Variants in FRMPD4 observed in about 807,000 individuals in gnomAD.
FRMPD4 encodes FERM and PDZ domain-containing protein 4.
Under a neutral mutation model 94.1 loss-of-function variants are expected in FRMPD4, and 22 were observed. The observed-to-expected ratio is 0.23, with a 90% CI of 0.17 to 0.33. The LOEUF (loss-of-function observed/expected upper bound fraction) is 0.33, where lower values mean the gene tolerates loss of function less well. Among genes scored for constraint, FRMPD4 ranks in the 10% least tolerant of loss-of-function variants. The pLI is 1.00. For missense variants in FRMPD4, 1,111 were observed against 1,339.9 expected (o/e 0.83, Z 2.67); for synonymous variants, 631 against 548.6 (o/e 1.15, Z -2.10).
In FRMPD4 at chrX:12,674,891, G is replaced by A. The variant is rs1038905034; in HGVS notation, c.451G>A (p.Val151Ile). Reference protein sequence around the residue: ...RSCKESILLTVIQPYPSPKSA... With the variant: ...RSCKESILLTIIQPYPSPKSA... ...CTGCAAAGAATCGATACTCCTCACTGTCATTCAGCCTTACCCTGTAAGTGT... is the reference window on the plus strand; with the variant it reads ...CTGCAAAGAATCGATACTCCTCACTATCATTCAGCCTTACCCTGTAAGTGT... Residue 151 changes from valine to isoleucine, a missense_variant, in exon 5 of 17, where the codon GTC becomes ATC. Physicochemically the swap from Val to Ile is conservative, Grantham distance 29 (BLOSUM62 3). This residue lies in a region of FRMPD4 where 140 missense variants were observed against 165.9 expected (regional missense o/e 0.84). Transcript: ENST00000675598. 25 of 1,167,918 alleles carry A rather than the reference G, an allele frequency of 2.1e-5. No individual in the cohort carries two copies. Among genetic ancestry groups the A allele is most frequent in the Non-Finnish European group, 2.8e-5 (24 of 855,565 alleles).
chrX:12,004,248 C>T (rs2054539060), intron 3 of FRMPD4, among the ~76,000 whole-genome samples: 2 of 112,095 alleles, frequency 1.8e-5, no homozygotes, highest in Non-Finnish European at 3.8e-5. Flanking sequence ...CATTCTGATT[C>T]GGGTAAATAC....
intron 9 of FRMPD4, among the ~76,000 whole-genome samples, chrX:12,696,786 T>C (rs951543498): frequency 3.6e-5 from 4 of 111,829 alleles, no homozygotes; most frequent in Non-Finnish European, 7.5e-5. Flanking sequence ...TTCAAAACAT[T>C]TGTAATCTTC....
At chrX:12,137,663 G>A (rs187508907), upstream of FRMPD4, among the ~76,000 whole-genome samples, 1 of 112,258 alleles carries the variant, frequency 8.9e-6, no homozygotes, top group East Asian at 2.8e-4. Context: ...CCAGGAGGTA[G>A]AACTGAGTTA....
intron 3 of FRMPD4, among the ~76,000 whole-genome samples, chrX:12,019,639 CT>C (rs749892439): frequency 7.1e-4 from 73 of 103,522 alleles, no homozygotes; most frequent in Middle Eastern, 5.0e-3. Flanking sequence ...GGACTGCTCA[CT>C]TTTTTTTTTT....
At chrX:12,628,240 G>C (rs1258680079) in intron 4 of FRMPD4, among the ~76,000 whole-genome samples, 1 of 111,776 alleles carries the variant, frequency 8.9e-6, no homozygotes, top group African/African-American at 3.3e-5. Context: ...TGTATGATCA[G>C]TTCATCCTGT....
At chrX:12,023,039 A>G (rs1037866182) in intron 3 of FRMPD4, among the ~76,000 whole-genome samples, 63 of 111,635 alleles carry the variant, frequency 5.6e-4, no homozygotes, top group African/African-American at 1.9e-3. Context: ...AGGTTATGGA[A>G]TTAAGAATTG....
chrX:12,236,356 C>T (rs981660760), intron 1 of FRMPD4, among the ~76,000 whole-genome samples: 1 of 111,273 alleles, frequency 9.0e-6, no homozygotes, highest in Non-Finnish European at 1.9e-5. Context: ...TTTTATTGAG[C>T]ACCTACTATA....
chrX:12,308,512 C>A (rs898265059), intron 1 of FRMPD4, among the ~76,000 whole-genome samples: 5 of 111,288 alleles, frequency 4.5e-5, no homozygotes, highest in African/African-American at 1.6e-4. Context: ...GGACTTTGGA[C>A]TTCTCTTCCC....
Position 12,718,340 on chromosome X carries a change from T to C in FRMPD4, c.3514T>C (p.Ser1172Pro). 1 of 1,211,715 alleles carries C rather than the reference T, an allele frequency of 8.3e-7. No homozygotes were observed. Among genetic ancestry groups the C allele is most frequent in the Non-Finnish European group, 1.1e-6 (1 of 895,286 alleles). Residue 1172 changes from serine (S) to proline (P), a missense_variant, in exon 16 of 17, where the codon TCC (serine) becomes CCC (proline). Ser to Pro is a moderately conservative substitution (Grantham distance 74, BLOSUM62 -1). This residue lies in a region of FRMPD4 where 551 missense variants were observed against 591.6 expected (regional missense o/e 0.93). Transcript: ENST00000675598. ...AGATAACCCAGAGGACGCTGACTCG[T>C]CCACCTGCGACCATCCTTCCAAGCT... ...DLDNPEDADSSTCDHPSKLPE... is the reference protein window; with the variant it reads ...DLDNPEDADSPTCDHPSKLPE...
intron 1 of FRMPD4, among the ~76,000 whole-genome samples, chrX:12,255,482 C>T (rs145662173): frequency 6.7e-4 from 75 of 111,852 alleles, no homozygotes; most frequent in African/African-American, 2.1e-3. Flanking sequence ...GAATTATCAA[C>T]TGCTTTATTG....
At chrX:11,865,189 A>T (rs764083206) in exon 2 of FRMPD4, among the ~76,000 whole-genome samples, 2 of 112,143 alleles carry the variant, frequency 1.8e-5, no homozygotes, top group Non-Finnish European at 3.8e-5. Flanking sequence ...TTGCCCTTCC[A>T]TGTCATCATC....
chrX:12,446,851 A>G (rs2057202173), intron 1 of FRMPD4, among the ~76,000 whole-genome samples: 1 of 111,714 alleles, frequency 9.0e-6, no homozygotes, highest in South Asian at 3.8e-4. Context: ...CTTTTGGGGC[A>G]TTTGGAAATG....
At chrX:11,943,967 G>A (rs770165273) in intron 3 of FRMPD4, among the ~76,000 whole-genome samples, 15 of 111,845 alleles carry the variant, frequency 1.3e-4, no homozygotes, top group Non-Finnish European at 2.6e-4. Context: ...AAATATTTTA[G>A]ACTTTGTAAG....
At chrX:12,360,670 C>G (rs1002286376) in intron 1 of FRMPD4, among the ~76,000 whole-genome samples, 19 of 111,515 alleles carry the variant, frequency 1.7e-4, no homozygotes, top group African/African-American at 6.2e-4. Context: ...TCATCATGCT[C>G]TGGGTAATTC....
intron 1 of FRMPD4, among the ~76,000 whole-genome samples, chrX:12,239,087 G>A (rs1029889068): frequency 5.4e-5 from 6 of 112,101 alleles, no homozygotes; most frequent in African/African-American, 1.9e-4. Flanking sequence ...TCAGAATCAA[G>A]GCTATTTCCC....
At chrX:12,671,961 A>T (rs1466819552) in intron 4 of FRMPD4, among the ~76,000 whole-genome samples, 1 of 111,717 alleles carries the variant, frequency 9.0e-6, no homozygotes, top group Non-Finnish European at 1.9e-5. Context: ...ATCACAATTA[A>T]CACTTGATTG....
intron 1 of FRMPD4, among the ~76,000 whole-genome samples, chrX:12,452,699 A>G (rs113657205): frequency 3.6e-5 from 4 of 112,514 alleles, no homozygotes; most frequent in African/African-American, 1.3e-4. Context: ...TTGTCATAAC[A>G]TGTTATGTCC....
intron 1 of FRMPD4, among the ~76,000 whole-genome samples, chrX:12,463,715 G>C (rs1320391758): frequency 3.6e-5 from 2 of 55,731 alleles, no homozygotes; most frequent in Non-Finnish European, 6.8e-5. Flanking sequence ...TTTTTTAACA[G>C]AGCATGAAAT....
intron 1 of FRMPD4, among the ~76,000 whole-genome samples, chrX:12,196,827 C>T (rs2056573196): frequency 9.1e-6 from 1 of 109,803 alleles, no homozygotes; most frequent in African/African-American, 3.3e-5. Flanking sequence ...AACAGAAAAT[C>T]AGCAGACATT....
Sources: allele counts gnomAD v4.1 joint callset (sites outside exome capture counted in the v4.1 genomes callset), GRCh38; gene constraint gnomAD v4.1.1; regional missense constraint gnomAD v4.1.1; transcripts MANE v1.5; gene names NCBI Gene and HGNC (gene_info 2026-07-23, HGNC 2026-07-21).